Variants in AKR1E2 observed in about 807,000 individuals in gnomAD.
AKR1E2 encodes the protein aldo-keto reductase family 1 member E2, also known as 1,5-anhydro-D-fructose reductase.
Under a neutral mutation model 41.9 loss-of-function variants are expected in AKR1E2, and 43 were observed. That is an observed-to-expected ratio of 1.03 (90% CI 0.80 to 1.32). The LOEUF (loss-of-function observed/expected upper bound fraction) is 1.32. Among genes scored for constraint, AKR1E2 ranks in the 40% most tolerant of loss-of-function variants. The probability of loss-of-function intolerance (pLI) is 0.00; values close to 1 mark genes in which losing one functional copy is unlikely to be tolerated. For missense variants in AKR1E2, 423 were observed against 396.5 expected (o/e 1.07, Z -0.57); for synonymous variants, 121 against 138.9 (o/e 0.87, Z 0.91).
chr10:4,825,903 G>A (rs1832443172), upstream of AKR1E2, among the ~76,000 whole-genome samples: 1 of 152,202 alleles, frequency 6.6e-6, no homozygotes, highest in South Asian at 2.1e-4. Context: ...CGAGGGAGAA[G>A]GCAACCAGGA....
At chr10:4,871,118 G>T in the AKR1E2 span, among the ~76,000 whole-genome samples, 1 of 151,846 alleles carries the variant, frequency 6.6e-6, no homozygotes, top group Non-Finnish European at 1.5e-5. Context: ...GTGTTTTTCA[G>T]TTCTAAAATT....
the AKR1E2 span, among the ~76,000 whole-genome samples, chr10:4,855,448 A>G: frequency 2.0e-5 from 3 of 152,202 alleles, no homozygotes; most frequent in Non-Finnish European, 2.9e-5. Flanking sequence ...GGTCCCAGAA[A>G]AAAACCGGAT....
chr10:4,835,691 G>A lies in AKR1E2; in HGVS notation c.341G>A (p.Trp114Ter). 6.2e-7 allele frequency: 1 copy of A among 1,614,000 alleles called. No individual in the cohort carries two copies. The highest frequency in any genetic ancestry group is 8.5e-7 in the Non-Finnish European group (1 of 1,179,990). The change falls in exon 4 of 10, where the codon TGG becomes TAG. Residue 114 changes from tryptophan to a stop codon, truncating the protein, a stop_gained. Transcript: ENST00000298375. LOFTEE classifies it high-confidence loss of function. ...PMGFKPPHPE[W>*]IMSCSELSFC... ...TCTTCGCAGCCTCCTCATCCAGAAT[G>A]GATCATGAGCTGCAGTGAACTTTCC...
chr10:4,858,234 G>T, the AKR1E2 span, among the ~76,000 whole-genome samples: 1 of 152,128 alleles, frequency 6.6e-6, no homozygotes, highest in African/African-American at 2.4e-5. Flanking sequence ...ACAAATTTGA[G>T]AAGATCAATT....
Position 4,833,386 on chromosome 10 carries a change from A to G in AKR1E2, c.244A>G (p.Thr82Ala), listed in dbSNP as rs1373897130. 1.2e-6 allele frequency: 2 copies of G among 1,614,152 alleles called. No homozygotes were observed. Among genetic ancestry groups the G allele is most frequent in the Admixed American group, 1.7e-5 (1 of 60,028 alleles). The change falls in exon 3 of 10, where the codon ACA becomes GCA. Residue 82 changes from threonine to alanine, a missense_variant. Coordinates refer to ENST00000298375, the MANE Select transcript of AKR1E2 (RefSeq NM_001040177.3). ...CTGCCATAAGAAGTCCTTGGTGGAA[A>G]CAGCATGCAGAAAGAGTCTCAAGGC... ...CTCHKKSLVE[T>A]ACRKSLKALK...
intron 8 of AKR1E2, chr10:4,846,058 C>T: frequency 2.8e-6 from 1 of 358,856 alleles, no homozygotes; most frequent in South Asian, 2.1e-5. Flanking sequence ...AGGCTGCCTA[C>T]CCTTTATAAG....
chr10:4,853,749 G>C, the AKR1E2 span, among the ~76,000 whole-genome samples: 6,125 of 152,260 alleles, frequency 0.04, 123 homozygotes, highest in East Asian at 0.073. Flanking sequence ...AGACCTATTG[G>C]GCTGCATTCC....
chr10:4,835,108 C>A (rs2131521006), intron 3 of AKR1E2, among the ~76,000 whole-genome samples: 2 of 152,360 alleles, frequency 1.3e-5, no homozygotes, highest in Admixed American at 1.3e-4. Context: ...TCACCCTTAA[C>A]ATGCTACGTG....
In AKR1E2 at chr10:4,833,340, T is replaced by C; in HGVS notation, c.208-10T>C. The C allele has an allele frequency of 6.2e-7, 1 of 1,611,274 alleles. No homozygotes were observed. The highest frequency in any genetic ancestry group is 8.5e-7 in the Non-Finnish European group (1 of 1,177,406). Reference sequence around the variant, plus strand: ...GGGCACGTGTGACGCTGGTCCCCTCTCCTTTGTAGCTGTGGTGCACCTGCC... The same window carrying C: ...GGGCACGTGTGACGCTGGTCCCCTCCCCTTTGTAGCTGTGGTGCACCTGCC... On this transcript the variant is annotated splice_polypyrimidine_tract_variant and intron_variant, in intron 2 of 9. Transcript: ENST00000298375.
upstream of AKR1E2, among the ~76,000 whole-genome samples, chr10:4,825,450 G>C (rs1290959618): frequency 6.6e-6 from 1 of 152,104 alleles, no homozygotes; most frequent in Non-Finnish European, 1.5e-5. Flanking sequence ...CACTCATAAG[G>C]GGGGTGTCCA....
the AKR1E2 span, among the ~76,000 whole-genome samples, chr10:4,861,615 C>T: frequency 3.4e-4 from 51 of 152,146 alleles, no homozygotes; most frequent in African/African-American, 9.9e-4. Flanking sequence ...GTGATCCTCC[C>T]GCCTCGGTCT....
At chr10:4,853,955 C>T in the AKR1E2 span, among the ~76,000 whole-genome samples, 1 of 152,130 alleles carries the variant, frequency 6.6e-6, no homozygotes, top group Admixed American at 6.5e-5. Context: ...CCTATAGGGT[C>T]TAAAAAGGGG....
intron 8 of AKR1E2, among the ~76,000 whole-genome samples, chr10:4,845,239 C>T (rs1054283487): frequency 5.5e-4 from 83 of 152,228 alleles, no homozygotes; most frequent in African/African-American, 1.9e-3. Context: ...CACACCCACC[C>T]GGAATTCGTG....
chr10:4,828,842 A>T (rs1832748352), intron 1 of AKR1E2, among the ~76,000 whole-genome samples: 1 of 152,138 alleles, frequency 6.6e-6, no homozygotes, highest in Non-Finnish European at 1.5e-5. Context: ...ATACTACTGG[A>T]AATTATATTT....
At chr10:4,845,457 C>T (rs1405774068) in intron 8 of AKR1E2, among the ~76,000 whole-genome samples, 1 of 25,758 alleles carries the variant, frequency 3.9e-5, no homozygotes, top group African/African-American at 6.2e-5. Context: ...GTTGTGAGGG[C>T]TGCCAGCATG....
chr10:4,825,181 AC>A (rs551801609), upstream of AKR1E2: 19 of 334,012 alleles, frequency 5.7e-5, no homozygotes, highest in Admixed American at 5.4e-4. Context: ...ACCCAGAGTG[AC>A]CCTGGGAGTT....
the AKR1E2 span, among the ~76,000 whole-genome samples, chr10:4,872,827 C>G: frequency 6.6e-6 from 1 of 152,102 alleles, no homozygotes; most frequent in African/African-American, 2.4e-5. Flanking sequence ...AAAAATAAAT[C>G]AGAATAGAGA....
the AKR1E2 span, among the ~76,000 whole-genome samples, chr10:4,868,877 T>C: frequency 6.6e-6 from 1 of 152,206 alleles, no homozygotes; most frequent in African/African-American, 2.4e-5. Context: ...GTATCCTTGA[T>C]ATAAGCTATA....
the AKR1E2 span, among the ~76,000 whole-genome samples, chr10:4,867,678 T>A: frequency 3.9e-5 from 6 of 152,356 alleles, no homozygotes; most frequent in African/African-American, 1.4e-4. Context: ...CATTCATCCG[T>A]TGAAGAACTT....
Sources: gnomAD v4.1 joint callset for allele counts (sites outside exome capture counted in the v4.1 genomes callset) on GRCh38, gnomAD v4.1.1 for gene constraint, MANE v1.5 for transcripts, NCBI Gene and HGNC (gene_info 2026-07-23, HGNC 2026-07-21) for gene names.